The following ABCA13 variants were observed in gnomAD, a reference collection of about 807,000 sequenced individuals.
The protein encoded by ABCA13 is ATP-binding cassette sub-family A member 13.
In ABCA13, 476 loss-of-function variants were observed where a neutral mutation model predicts 478.7. The ratio of observed to expected loss-of-function variants is 0.99; its 90% CI spans 0.92 to 1.07. The LOEUF (loss-of-function observed/expected upper bound fraction) is 1.07, where lower values mean the gene tolerates loss of function less well. ABCA13 is among the 50% of genes least tolerant of loss of function. The pLI is 0.00. For missense variants in ABCA13, 6,060 were observed against 5,910.6 expected (o/e 1.03, Z -0.83); for synonymous variants, 2,252 against 2,158.9 (o/e 1.04, Z -1.20).
chr7:48,560,974 C>A (rs1786393040), intron 55 of ABCA13, among the ~76,000 whole-genome samples: 1 of 152,090 alleles, frequency 6.6e-6, no homozygotes, highest in African/African-American at 2.4e-5. Context: ...CTGTATTTGA[C>A]TTATTTCCCA....
Position 48,198,340 on chromosome 7 carries a change from G to C in ABCA13, c.267G>C (p.Gly89=), listed in dbSNP as rs1027140721. The C allele has an allele frequency of 6.2e-7, 1 of 1,613,680 alleles. No individual in the cohort carries two copies. Among genetic ancestry groups the C allele is most frequent in the Admixed American group, 1.7e-5 (1 of 59,996 alleles). Residue 89 remains glycine (G), a synonymous_variant, in exon 3 of 62, where the codon GGG becomes GGC. Coordinates refer to ENST00000435803, the MANE Select transcript of ABCA13 (RefSeq NM_152701.5). The part of the protein sequence containing the change: ...GSRCRNFSYE[G]SMEHHFRLSR... ...GGTGTAGGAACTTCAGCTATGAAGG[G>C]TCAATGGAGCATCATTTTCGGTAAG...
chr7:48,519,401 AATAAGT>A (rs1832371701), intron 52 of ABCA13, among the ~76,000 whole-genome samples: 1 of 152,202 alleles, frequency 6.6e-6, no homozygotes, highest in Admixed American at 6.5e-5. Flanking sequence ...AGTGGTGAAC[AATAAGT>A]CTGAATATCT....
chr7:48,576,534 C>T (rs1271634086), intron 55 of ABCA13, among the ~76,000 whole-genome samples: 1 of 152,112 alleles, frequency 6.6e-6, no homozygotes, highest in Non-Finnish European at 1.5e-5. Flanking sequence ...TTTCCAGAGC[C>T]TAACTGACCT....
intron 55 of ABCA13, among the ~76,000 whole-genome samples, chr7:48,538,173 T>C (rs1833724018): frequency 6.8e-6 from 1 of 146,994 alleles, no homozygotes. Context: ...CGATCTCAGC[T>C]CACTGTAACC....
chr7:48,602,319 AT>A (rs1237467722), intron 58 of ABCA13, among the ~76,000 whole-genome samples: 2 of 152,054 alleles, frequency 1.3e-5, no homozygotes, highest in Non-Finnish European at 2.9e-5. Flanking sequence ...CGTGAATGGT[AT>A]TGCCTAGGTT....
chr7:48,475,158 C>A (rs1050620122), intron 45 of ABCA13, among the ~76,000 whole-genome samples: 1 of 152,104 alleles, frequency 6.6e-6, no homozygotes, highest in African/African-American at 2.4e-5. Context: ...TTTCGGGATG[C>A]ACTTTGAGAA....
intron 58 of ABCA13, among the ~76,000 whole-genome samples, chr7:48,608,564 T>G (rs146165640): frequency 6.6e-6 from 1 of 152,340 alleles, no homozygotes; most frequent in Non-Finnish European, 1.5e-5. Flanking sequence ...TTTGTTTGGC[T>G]CCCAAATAAT....
At chr7:48,255,111 C>T (rs1408263481) in intron 15 of ABCA13, among the ~76,000 whole-genome samples, 5 of 152,126 alleles carry the variant, frequency 3.3e-5, no homozygotes, top group African/African-American at 1.2e-4. Flanking sequence ...ATCTAGTTTG[C>T]TACATACAGA....
chr7:48,388,994 A>G, intron 36 of ABCA13, 46 bp from the exon 37 acceptor site: 4 of 1,571,584 alleles, frequency 2.5e-6, no homozygotes, highest in Non-Finnish European at 3.5e-6. Flanking sequence ...CATTATTTTT[A>G]GGGCTTTTGA....
At chr7:48,621,800 C>G (rs867154306) in intron 59 of ABCA13, among the ~76,000 whole-genome samples, 1 of 152,110 alleles carries the variant, frequency 6.6e-6, no homozygotes, top group African/African-American at 2.4e-5. Flanking sequence ...CAAAATAAGC[C>G]AACAATGGAT....
intron 1 of ABCA13, among the ~76,000 whole-genome samples, chr7:48,188,847 G>A (rs1312192016): frequency 6.6e-6 from 1 of 152,210 alleles, no homozygotes; most frequent in Non-Finnish European, 1.5e-5. Flanking sequence ...AAGGTGAGAG[G>A]AATGGTAGTG....
intron 27 of ABCA13, among the ~76,000 whole-genome samples, chr7:48,321,374 T>A (rs1025766065): frequency 1.3e-5 from 2 of 152,020 alleles, no homozygotes; most frequent in African/African-American, 2.4e-5. Context: ...AGGATGAAAG[T>A]AGAGGAAGCT....
chr7:48,275,138 C>T lies in ABCA13; in HGVS notation c.5472C>T (p.Cys1824=), dbSNP rs755917614. Residue 1824 remains cysteine (C), a synonymous_variant, in exon 17 of 62, where the codon TGC becomes TGT. Transcript: ENST00000435803. ...TAGCTTGTTTTCCTGTGGTTTGGTG[C>T]TGGAATCACACAAATTCTGGATTTC... ...EALACFPVVW[C]WNHTNSGFRQ... is the part of the protein sequence containing the mutation. 6.2e-7 allele frequency: 1 copy of T among 1,613,826 alleles called. No homozygotes were observed. Among genetic ancestry groups the T allele is most frequent in the Non-Finnish European group, 8.5e-7 (1 of 1,179,826 alleles).
At chr7:48,289,980 T>C (rs139674025) in intron 20 of ABCA13, among the ~76,000 whole-genome samples, 77 of 152,318 alleles carry the variant, frequency 5.1e-4, no homozygotes, top group African/African-American at 1.7e-3. Flanking sequence ...CCAACAGAGA[T>C]GGGCAAAAAG....
At chr7:48,454,344 G>A (rs922922974) in intron 42 of ABCA13, among the ~76,000 whole-genome samples, 1 of 152,216 alleles carries the variant, frequency 6.6e-6, no homozygotes. Context: ...GAGATTTACT[G>A]AGATTCGTTG....
chr7:48,618,196 C>T (rs995734253), intron 59 of ABCA13, among the ~76,000 whole-genome samples: 8 of 152,130 alleles, frequency 5.3e-5, no homozygotes, highest in East Asian at 1.9e-4. Flanking sequence ...CACCCTCTGT[C>T]GGTTCAGTCA....
intron 39 of ABCA13, among the ~76,000 whole-genome samples, chr7:48,409,109 G>A (rs1255550984): frequency 6.6e-6 from 1 of 152,208 alleles, no homozygotes; most frequent in Non-Finnish European, 1.5e-5. Context: ...TACTTGAGTA[G>A]AGTTAAAGAC....
intron 43 of ABCA13, among the ~76,000 whole-genome samples, chr7:48,464,832 A>C (rs1423679966): frequency 6.6e-6 from 1 of 152,208 alleles, no homozygotes; most frequent in East Asian, 1.9e-4. Context: ...TAATGAGAAC[A>C]AGGGTAAGCC....
chr7:48,509,791 T>C (rs1252938933), intron 50 of ABCA13, among the ~76,000 whole-genome samples: 2 of 152,184 alleles, frequency 1.3e-5, no homozygotes, highest in African/African-American at 4.8e-5. Context: ...CCCAGTGTGA[T>C]GGTATTTGGA....
Sources: allele counts gnomAD v4.1 joint callset (sites outside exome capture counted in the v4.1 genomes callset), GRCh38; gene constraint gnomAD v4.1.1; transcripts MANE v1.5; gene names NCBI Gene and HGNC (gene_info 2026-07-23, HGNC 2026-07-21).